The following CFDP1 variants were observed in gnomAD, a reference collection of about 807,000 sequenced individuals.
The protein encoded by CFDP1 is heterochromatin-stabilizing protein CFDP1.
A neutral mutation model predicts 40.1 loss-of-function variants in CFDP1; 31 were observed. The observed-to-expected ratio is 0.77, with a 90% CI of 0.58 to 1.04. The LOEUF (loss-of-function observed/expected upper bound fraction) is 1.04. CFDP1 is among the 50% of genes least tolerant of loss of function. CFDP1 has a pLI of 0.00. For missense variants in CFDP1, 423 were observed against 343.4 expected (o/e 1.23, Z -1.83); for synonymous variants, 167 against 120.0 (o/e 1.39, Z -2.56).
chr16:75,387,140 CT>C (rs11303354), intron 5 of CFDP1, among the ~76,000 whole-genome samples: 32,160 of 128,090 alleles, frequency 0.25, 4,520 homozygotes, highest in African/African-American at 0.47. Flanking sequence ...TCTTTTCTTT[CT>C]TTTTTTTTTT....
chr16:75,319,620 G>C (rs2078348509), intron 5 of CFDP1, among the ~76,000 whole-genome samples: 1 of 152,132 alleles, frequency 6.6e-6, no homozygotes, highest in Admixed American at 6.5e-5. Context: ...TGGCCTCCTA[G>C]AGGCCACAAT....
chr16:75,418,884 C>T (rs11642572), intron 1 of CFDP1: 81,908 of 157,538 alleles, frequency 0.52, 22,402 homozygotes, highest in Admixed American at 0.64. Flanking sequence ...ATCCTACCAC[C>T]TTAGGAGGCC....
chr16:75,307,367 C>T (rs2078265983), intron 5 of CFDP1, among the ~76,000 whole-genome samples: 1 of 151,932 alleles, frequency 6.6e-6, no homozygotes, highest in Admixed American at 6.6e-5. Flanking sequence ...AGGCGCCTGC[C>T]ACCACACCTG....
intron 5 of CFDP1, among the ~76,000 whole-genome samples, chr16:75,353,527 C>T (rs563075173): frequency 1.6e-4 from 24 of 151,736 alleles, no homozygotes; most frequent in Non-Finnish European, 3.1e-4. Context: ...TTTGGGAGGC[C>T]GAGGCGGGCA....
At chr16:75,388,278 T>G (rs1462114322) in intron 5 of CFDP1, among the ~76,000 whole-genome samples, 2 of 152,248 alleles carry the variant, frequency 1.3e-5, no homozygotes, top group Non-Finnish European at 2.9e-5. Flanking sequence ...GTGCCTTAAA[T>G]GTGGTGAAGC....
At chr16:75,388,136 T>G (rs1272666148) in intron 5 of CFDP1, among the ~76,000 whole-genome samples, 1 of 152,240 alleles carries the variant, frequency 6.6e-6, no homozygotes, top group Non-Finnish European at 1.5e-5. Context: ...ATCAACTATG[T>G]AACTTCAACA....
intron 5 of CFDP1, among the ~76,000 whole-genome samples, chr16:75,351,738 T>C (rs1302362796): frequency 6.6e-6 from 1 of 152,192 alleles, no homozygotes; most frequent in Non-Finnish European, 1.5e-5. Flanking sequence ...CCAAGTGTGG[T>C]GGCTCACGCC....
chr16:75,368,059 G>A (rs1180350288), intron 5 of CFDP1, among the ~76,000 whole-genome samples: 2 of 152,102 alleles, frequency 1.3e-5, no homozygotes, highest in Non-Finnish European at 1.5e-5. Context: ...AGCCAAGATC[G>A]CACCGTGCCC....
At chr16:75,391,430 G>A (rs2078949737) in intron 5 of CFDP1, 1 of 152,228 alleles carries the variant, frequency 6.6e-6, no homozygotes, top group South Asian at 2.1e-4. Context: ...GTTGTCTAGA[G>A]CAGTATTTTG....
Position 75,354,558 on chromosome 16 carries a change from T to TA in CFDP1, c.650+40531dup, listed in dbSNP as rs569528882. ...ATGCATAAAAACATGATGGCACTGTTAGTCTCTCAGTTCTGACAAATGCAC... is the reference window on the plus strand; with the variant it reads ...ATGCATAAAAACATGATGGCACTGTTAAGTCTCTCAGTTCTGACAAATGCAC... On this transcript the variant is annotated intron_variant, in intron 5 of 6. Transcript: ENST00000283882. Among the ~76,000 whole-genome samples the TA allele has an allele frequency of 2.9e-3, 437 of 152,352 alleles. 1 individual carries two copies. Among genetic ancestry groups the TA allele is most frequent in the Non-Finnish European group, 4.6e-3 (313 of 68,026 alleles).
chr16:75,412,933 A>T lies in CFDP1; in HGVS notation c.183-179T>A, dbSNP rs866655195. ...GAAATTTTATAGAAGAAAAAAAAAG[A>T]ATTGAAAAAAAAAAAAACTGAGCTC... On this transcript the variant is annotated intron_variant, in intron 2 of 6. Coordinates refer to ENST00000283882, the MANE Select transcript of CFDP1 (RefSeq NM_006324.3). 4.6e-5 allele frequency among the ~76,000 whole-genome samples: 7 copies of T among 151,758 alleles called. No homozygotes were observed. The South Asian group carries it at 1.5e-3, about 31-fold the overall frequency.
At chr16:75,360,881 A>G (rs905035272) in intron 5 of CFDP1, among the ~76,000 whole-genome samples, 3 of 152,262 alleles carry the variant, frequency 2.0e-5, no homozygotes, top group African/African-American at 7.2e-5. Context: ...AAAGATTCAC[A>G]TAAGAATTCT....
At chr16:75,309,103 G>A (rs186798083) in intron 5 of CFDP1, among the ~76,000 whole-genome samples, 2 of 152,196 alleles carry the variant, frequency 1.3e-5, no homozygotes, top group East Asian at 1.9e-4. Flanking sequence ...AACACACAGG[G>A]GGCTCATGAT....
intron 5 of CFDP1, among the ~76,000 whole-genome samples, chr16:75,311,644 G>A (rs771184550): frequency 1.3e-5 from 2 of 152,086 alleles, no homozygotes; most frequent in Admixed American, 6.6e-5. Flanking sequence ...TTAAGTCTAT[G>A]CCTTCCATCT....
chr16:75,371,849 T>A (rs560686566), intron 5 of CFDP1, among the ~76,000 whole-genome samples: 10 of 152,354 alleles, frequency 6.6e-5, no homozygotes, highest in Non-Finnish European at 1.3e-4. Context: ...TTAAGTCTAC[T>A]GTTTCCTTGA....
chr16:75,333,106 C>A (rs1249367497), intron 5 of CFDP1, among the ~76,000 whole-genome samples: 2 of 147,662 alleles, frequency 1.4e-5, no homozygotes, highest in Admixed American at 1.4e-4. Context: ...CTGCGCCCAG[C>A]CAGCCTACTC....
intron 1 of CFDP1, among the ~76,000 whole-genome samples, chr16:75,427,725 T>C (rs903361393): frequency 1.3e-5 from 2 of 152,146 alleles, no homozygotes; most frequent in Non-Finnish European, 2.9e-5. Context: ...CAAAACCCAG[T>C]AATCCCACTC....
chr16:75,357,074 G>T (rs2078649594), intron 5 of CFDP1, among the ~76,000 whole-genome samples: 1 of 151,598 alleles, frequency 6.6e-6, no homozygotes, highest in African/African-American at 2.4e-5. Context: ...CACCATGCCT[G>T]GCTAATTTTT....
chr16:75,324,019 G>T (rs1390517791), intron 5 of CFDP1, among the ~76,000 whole-genome samples: 6 of 152,210 alleles, frequency 3.9e-5, no homozygotes, highest in African/African-American at 1.4e-4. Flanking sequence ...GATTAAATGA[G>T]ATATTCATCA....
Sources: allele counts gnomAD v4.1 joint callset (sites outside exome capture counted in the v4.1 genomes callset), GRCh38; gene constraint gnomAD v4.1.1; transcripts MANE v1.5; gene names NCBI Gene and HGNC (gene_info 2026-07-23, HGNC 2026-07-21).